The following XPO4 variants were observed in gnomAD, a reference collection of about 807,000 sequenced individuals.
XPO4 encodes the protein exportin-4.
In XPO4, 39 loss-of-function variants were observed where a neutral mutation model predicts 143.0. That is an observed-to-expected ratio of 0.27 (90% CI 0.21 to 0.36). The LOEUF (loss-of-function observed/expected upper bound fraction) is 0.36. Ranked by LOEUF, XPO4 falls within the 10% of genes least tolerant of loss-of-function variation. The probability of loss-of-function intolerance (pLI) is 1.00; values close to 1 mark genes in which losing one functional copy is unlikely to be tolerated. For missense variants in XPO4, 907 were observed against 1,348.0 expected (o/e 0.67, Z 5.12); for synonymous variants, 439 against 474.0 (o/e 0.93, Z 0.96).
chr13:20,808,672 G>A (rs2137888035), intron 11 of XPO4, 91 bp from the exon 12 acceptor site: 1 of 1,125,428 alleles, frequency 8.9e-7, no homozygotes, highest in Non-Finnish European at 1.2e-6. Flanking sequence ...AACATGAATT[G>A]AATGTTAGCG....
chr13:20,890,008 T>C (rs1180690731), intron 1 of XPO4, among the ~76,000 whole-genome samples: 1 of 152,224 alleles, frequency 6.6e-6, no homozygotes, highest in East Asian at 1.9e-4. Context: ...GCTTTGCTGA[T>C]GCTAGAGCAA....
chr13:20,786,284 T>TA (rs1491256086), intron 22 of XPO4, among the ~76,000 whole-genome samples: 114 of 51,050 alleles, frequency 2.2e-3, no homozygotes, highest in African/African-American at 4.5e-3. Flanking sequence ...TGCTGGGAGG[T>TA]ATATATATAT....
intron 1 of XPO4, among the ~76,000 whole-genome samples, chr13:20,899,306 T>C (rs1326725102): frequency 6.6e-6 from 1 of 150,532 alleles, no homozygotes; most frequent in African/African-American, 2.5e-5. Context: ...ACATTTATAG[T>C]ATATGTTGAC....
At chr13:20,855,826 A>G (rs2060137972) in intron 3 of XPO4, 61 bp from the exon 4 acceptor site, 3 of 1,481,188 alleles carry the variant, frequency 2.0e-6, no homozygotes, top group Non-Finnish European at 2.7e-6. Flanking sequence ...AATACTCCCA[A>G]ACTTCTCTCT....
intron 4 of XPO4, among the ~76,000 whole-genome samples, chr13:20,846,981 CTGTACCTACGATTA>C (rs1411210841): frequency 6.6e-6 from 1 of 152,116 alleles, no homozygotes; most frequent in East Asian, 1.9e-4. Flanking sequence ...CTGGCTTTAA[CTGTACCTACGATTA>C]TCAGCTTCCA....
At chr13:20,896,923 G>A (rs1311042342) in intron 1 of XPO4, among the ~76,000 whole-genome samples, 2 of 152,132 alleles carry the variant, frequency 1.3e-5, no homozygotes, top group East Asian at 3.8e-4. Flanking sequence ...CTGCCTTTTA[G>A]GCATCTATGG....
chr13:20,838,609 CAAAA>C lies in XPO4; in HGVS notation c.727+4282_727+4285del, dbSNP rs36097222. ...TGGGCAACACAGCAAGACTCCATCT[CAAAA>C]AAAAAAAAAAAAAAAAGAAAGAAAT... On this transcript the variant is annotated intron_variant, in intron 6 of 22. Transcript: ENST00000255305. Among the ~76,000 whole-genome samples the C allele has an allele frequency of 6.8e-5, 6 of 87,698 alleles. No homozygotes were observed. In the East Asian group the frequency reaches 2.1e-3, roughly 30 times the overall value. 57.5% of individuals were successfully genotyped at this position (87,698 alleles called of 152,430 possible).
intron 14 of XPO4, among the ~76,000 whole-genome samples, chr13:20,800,558 T>C (rs1286879570): frequency 6.6e-6 from 1 of 152,110 alleles, no homozygotes. Flanking sequence ...TATTAAAAAA[T>C]TAACATAGTA....
chr13:20,849,011 T>A (rs975150440), intron 4 of XPO4: 1 of 985,324 alleles, frequency 1.0e-6, no homozygotes, highest in African/African-American at 1.7e-5. Flanking sequence ...CAAAAGCCAT[T>A]AATTTCAAGC....
intron 19 of XPO4, among the ~76,000 whole-genome samples, chr13:20,789,660 G>A (rs954079937): frequency 6.6e-6 from 1 of 151,338 alleles, no homozygotes; most frequent in Non-Finnish European, 1.5e-5. Flanking sequence ...CACCCACCTC[G>A]GCCTCCAAAA....
chr13:20,842,031 T>C (rs1396111314), intron 6 of XPO4, among the ~76,000 whole-genome samples: 4 of 152,140 alleles, frequency 2.6e-5, no homozygotes, highest in African/African-American at 9.7e-5. Context: ...ACGGAGGCTA[T>C]TAAGAGCTCA....
chr13:20,879,839 G>A (rs551840907), intron 1 of XPO4, among the ~76,000 whole-genome samples: 1 of 152,208 alleles, frequency 6.6e-6, no homozygotes, highest in East Asian at 1.9e-4. Context: ...ATTAATATCT[G>A]TAATCTATAA....
rs2060415121 is a variant in XPO4, at chr13:20,882,047, T to TTGCAG, written c.70-13351_70-13347dup. Among the ~76,000 whole-genome samples, 4 of 147,490 alleles carry TTGCAG rather than the reference T, an allele frequency of 2.7e-5. No individual in the cohort carries two copies. In the South Asian group the frequency reaches 8.6e-4, roughly 32 times the overall value. On this transcript the variant is annotated intron_variant, in intron 1 of 22. Coordinates refer to ENST00000255305, the MANE Select transcript of XPO4 (RefSeq NM_022459.5). The stretch of plus-strand genomic sequence containing the variant: ...ATCGCTTGAACCTGGAAGGTAGAGG[T>TTGCAG]TGCAGTGAGCCAAGATCACACCACT...
intron 1 of XPO4, among the ~76,000 whole-genome samples, chr13:20,876,384 G>A (rs1233226251): frequency 6.6e-6 from 1 of 151,818 alleles, no homozygotes; most frequent in Non-Finnish European, 1.5e-5. Context: ...AATGGAATGG[G>A]GAAAATTCCC....
At chr13:20,785,741 C>T (rs2059192471) in intron 22 of XPO4, among the ~76,000 whole-genome samples, 1 of 150,298 alleles carries the variant, frequency 6.7e-6, no homozygotes, top group Non-Finnish European at 1.5e-5. Context: ...ATTCCTGAAA[C>T]CTGCTCTTTC....
chr13:20,880,958 CAAAA>C (rs35117619), intron 1 of XPO4, among the ~76,000 whole-genome samples: 6 of 136,950 alleles, frequency 4.4e-5, no homozygotes, highest in Admixed American at 7.3e-5. Context: ...ACCCTGCCTC[CAAAA>C]AAAAAAAAAA....
At chr13:20,862,267 C>T (rs2060208646) in intron 3 of XPO4, among the ~76,000 whole-genome samples, 1 of 152,084 alleles carries the variant, frequency 6.6e-6, no homozygotes, top group South Asian at 2.1e-4. Context: ...AATCTAAGGT[C>T]AACTTTTATT....
At chr13:20,847,254 A>G (rs2060037567) in intron 4 of XPO4, among the ~76,000 whole-genome samples, 1 of 152,218 alleles carries the variant, frequency 6.6e-6, no homozygotes, top group Non-Finnish European at 1.5e-5. Context: ...CCCTATTCAT[A>G]GGGGAATTAA....
At chr13:20,843,934 G>T in intron 4 of XPO4, 48 bp from the exon 5 acceptor site, 3 of 1,402,216 alleles carry the variant, frequency 2.1e-6, no homozygotes, top group Non-Finnish European at 3.0e-6. Flanking sequence ...CTGTTTCAAC[G>T]CTTTGTTTCA....
Sources: gnomAD v4.1 joint callset for allele counts (sites outside exome capture counted in the v4.1 genomes callset) on GRCh38, gnomAD v4.1.1 for gene constraint, MANE v1.5 for transcripts, NCBI Gene and HGNC (gene_info 2026-07-23, HGNC 2026-07-21) for gene names.